LTF: variants seen among roughly 807,000 people sequenced by gnomAD.
The protein encoded by LTF is epididymis luminal protein 110.
LTF carries 91 observed loss-of-function variants against 87.2 expected under a neutral mutation model. The observed-to-expected ratio is 1.04, with a 90% confidence interval of 0.88 to 1.24. The LOEUF (loss-of-function observed/expected upper bound fraction) is 1.24, where lower values mean the gene tolerates loss of function less well. LTF is among the 50% of genes most tolerant of loss of function. The probability of loss-of-function intolerance (pLI) is 0.00; values close to 1 mark genes in which losing one functional copy is unlikely to be tolerated. For synonymous variants in LTF, 378 were observed against 356.1 expected (o/e 1.06, Z -0.69); for missense variants, 901 against 904.3 (o/e 1.00, Z 0.05).
Position 46,450,002 on chromosome 3 carries a change from C to G in LTF, c.909G>C (p.Pro303=). ...TAGGGGAGCCAAAGAGCTGGAATTT[C>G]GGTGACTTGTCCTTTCCAAACTTTT... ...AQEKFGKDKS[P]KFQLFGSPSG... The change falls in exon 8 of 17, where the codon CCG becomes CCC. Residue 303 remains proline, a synonymous_variant. Transcript: ENST00000231751. 2 of 1,608,294 alleles carry G rather than the reference C, an allele frequency of 1.2e-6. No individual in the cohort carries two copies. Among genetic ancestry groups the G allele is most frequent in the Non-Finnish European group, 1.7e-6 (2 of 1,177,156 alleles).
At chr3:46,437,176 C>A (rs1342567756) in intron 16 of LTF, among the ~76,000 whole-genome samples, 2 of 152,216 alleles carry the variant, frequency 1.3e-5, no homozygotes, top group African/African-American at 4.8e-5. Context: ...CCTTACAATA[C>A]TCTGTGATGT....
At position 46,441,899 on chromosome 3, in the gene LTF, CAGAGAGAGAG is replaced by C. The variant is rs71622508; in HGVS notation, c.1656-426_1656-417del. ...TAAATGATGAAACTGTGATAGCACCCAGAGAGAGAGAGAGAGAGAGAGAGAGAGAGAGAGA... is the reference window on the plus strand; with the variant it reads ...TAAATGATGAAACTGTGATAGCACCCAGAGAGAGAGAGAGAGAGAGAGAGA... On this transcript the variant is annotated intron_variant, in intron 13 of 16. Coordinates refer to ENST00000231751, the MANE Select transcript of LTF (RefSeq NM_002343.6). 116 of 101,618 alleles carry C rather than the reference CAGAGAGAGAG, an allele frequency of 1.1e-3. 1 individual carries two copies. Among genetic ancestry groups the C allele is most frequent in the South Asian group, 4.5e-3 (13 of 2,914 alleles). 6.3% of individuals were successfully genotyped at this position (101,618 alleles called of 1,614,324 possible).
At chr3:46,459,294 G>A (rs1048309656) in intron 2 of LTF, among the ~76,000 whole-genome samples, 1 of 152,224 alleles carries the variant, frequency 6.6e-6, no homozygotes, top group Non-Finnish European at 1.5e-5. Context: ...TTCTCACAGG[G>A]TTTAGAGGTC....
chr3:46,442,498 G>GAA (rs533327223), intron 13 of LTF, among the ~76,000 whole-genome samples: 2 of 137,850 alleles, frequency 1.5e-5, no homozygotes, highest in Non-Finnish European at 1.6e-5. Flanking sequence ...CTGCAGGTCT[G>GAA]AAAAAAAAAA....
intron 1 of LTF, among the ~76,000 whole-genome samples, chr3:46,480,410 T>C (rs1467355565): frequency 6.6e-6 from 1 of 152,140 alleles, no homozygotes; most frequent in Non-Finnish European, 1.5e-5. Flanking sequence ...CCATTGTGCC[T>C]GTGGTGATGG....
At chr3:46,472,756 T>A (rs1049107106) in intron 1 of LTF, among the ~76,000 whole-genome samples, 1 of 152,074 alleles carries the variant, frequency 6.6e-6, no homozygotes, top group African/African-American at 2.4e-5. Context: ...AGGAGAGCAA[T>A]GCCTCTGAAC....
At chr3:46,454,123 C>T in intron 6 of LTF, 182 bp downstream of exon 6, 1 of 633,192 alleles carries the variant, frequency 1.6e-6, no homozygotes, top group East Asian at 2.7e-5. Flanking sequence ...GCAGTAGGCA[C>T]AGGAGGTTTG....
intron 13 of LTF, among the ~76,000 whole-genome samples, chr3:46,442,811 G>T (rs1044316123): frequency 5.3e-5 from 8 of 152,180 alleles, no homozygotes; most frequent in African/African-American, 1.9e-4. Context: ...AGGAACAGGG[G>T]AAGATCCTCT....
At chr3:46,477,343 T>C (rs959588662) in intron 1 of LTF, among the ~76,000 whole-genome samples, 2 of 152,254 alleles carry the variant, frequency 1.3e-5, no homozygotes, top group Admixed American at 1.3e-4. Context: ...TCAGCTCTTC[T>C]AAGCCCAGAT....
intron 1 of LTF, among the ~76,000 whole-genome samples, chr3:46,479,458 T>G (rs1703404334): frequency 6.6e-6 from 1 of 152,132 alleles, no homozygotes; most frequent in African/African-American, 2.4e-5. Flanking sequence ...AGCAGAGAGA[T>G]GATTAGGGAG....
rs1327731571 is a variant in LTF, at chr3:46,435,948, A to G, written c.*247T>C. On this transcript the variant is annotated 3_prime_UTR_variant, in exon 17 of 17. Transcript: ENST00000231751. The stretch of plus-strand genomic sequence containing the variant: ...GAAGGGAAGGTCCAACTGTACAGGT[A>G]TTTTGTCAGGCATGTGATTTCAGTA... The G allele has an allele frequency of 5.0e-5, 27 of 542,762 alleles. No homozygotes were observed. The allele number at this position is 542,762 out of a possible 1,614,324, so 33.6% of individuals were successfully genotyped here. A position where few individuals can be genotyped will look rare whatever the true frequency, so the allele number is the denominator to read the frequency against.
At chr3:46,465,919 C>T (rs1703202652), upstream of LTF, among the ~76,000 whole-genome samples, 2 of 151,158 alleles carry the variant, frequency 1.3e-5, no homozygotes, top group Admixed American at 1.3e-4. Flanking sequence ...AAAGAATATC[C>T]TGTGTGTATG....
chr3:46,467,481 GA>G (rs1211134726), upstream of LTF, among the ~76,000 whole-genome samples: 1 of 152,106 alleles, frequency 6.6e-6, no homozygotes, highest in African/African-American at 2.4e-5. Context: ...GTACCTGAAG[GA>G]AGGGTGGGAT....
intron 2 of LTF, among the ~76,000 whole-genome samples, chr3:46,456,634 T>C (rs1242720525): frequency 1.3e-5 from 2 of 152,230 alleles, no homozygotes; most frequent in African/African-American, 4.8e-5. Flanking sequence ...CTCCTCTGCC[T>C]GCCTGTGTCA....
rs1702512040 is a variant in LTF, at chr3:46,441,426, C to G, written c.1713G>C (p.Gln571His). The G allele has an allele frequency of 6.2e-7, 1 of 1,613,358 alleles. No individual in the cohort carries two copies. The highest frequency in any genetic ancestry group is 8.5e-7 in the Non-Finnish European group (1 of 1,179,670). ...AACACCTTCACCTACCATCAGTGTT[C>G]TGCAAGACAGTGACATCTTTCACAA... is the stretch of plus-strand genomic sequence containing the variant. ...VAFVKDVTVL[Q>H]NTDGNNNEAW... Residue 571 changes from glutamine to histidine, a missense_variant, in exon 14 of 17, where the codon CAG becomes CAC. By Grantham distance (24) the Gln-to-His change is conservative. Transcript: ENST00000231751.
chr3:46,467,434 GA>G (rs1482548961), upstream of LTF, among the ~76,000 whole-genome samples: 2 of 152,012 alleles, frequency 1.3e-5, no homozygotes, highest in Non-Finnish European at 2.9e-5. Flanking sequence ...CACCCATCAT[GA>G]GGGCTCCAGA....
intron 2 of LTF, among the ~76,000 whole-genome samples, chr3:46,457,468 C>G (rs1035366375): frequency 1.3e-5 from 2 of 152,194 alleles, no homozygotes; most frequent in African/African-American, 4.8e-5. Flanking sequence ...AGGGTGGAAT[C>G]CCCCAGATGA....
At chr3:46,460,789 A>G (rs893554141) in intron 1 of LTF, among the ~76,000 whole-genome samples, 2 of 149,020 alleles carry the variant, frequency 1.3e-5, no homozygotes, top group Non-Finnish European at 3.0e-5. Flanking sequence ...TTACTTTCAG[A>G]TAACATGATC....
At chr3:46,475,445 G>T (rs1703347847) in intron 1 of LTF, among the ~76,000 whole-genome samples, 1 of 151,768 alleles carries the variant, frequency 6.6e-6, no homozygotes, top group African/African-American at 2.4e-5. Context: ...AAAAAGGAGA[G>T]GGTCATCTCT....
Sources: gnomAD v4.1 joint callset for allele counts (sites outside exome capture counted in the v4.1 genomes callset) on GRCh38, gnomAD v4.1.1 for gene constraint, MANE v1.5 for transcripts, NCBI Gene and HGNC (gene_info 2026-07-23, HGNC 2026-07-21) for gene names.